MED15: variants seen among roughly 807,000 people sequenced by gnomAD.
The protein encoded by MED15 is mediator of RNA polymerase II transcription subunit 15.
MED15 carries 41 observed loss-of-function variants against 118.7 expected under a neutral mutation model. That is an observed-to-expected ratio of 0.35 (90% CI 0.27 to 0.45). MED15 has a LOEUF of 0.45. Among genes scored for constraint, MED15 ranks in the 20% least tolerant of loss-of-function variants. MED15 has a pLI of 1.00. For missense variants in MED15, 740 were observed against 1,025.5 expected, an observed-to-expected ratio of 0.72 and a Z score of 3.80; for synonymous variants, 436 against 413.9, an observed-to-expected ratio of 1.05 and a Z score of -0.65.
At chr22:20,545,808 T>C (rs1414183514) in intron 2 of MED15, among the ~76,000 whole-genome samples, 1 of 152,130 alleles carries the variant, frequency 6.6e-6, no homozygotes, top group East Asian at 1.9e-4. Flanking sequence ...AACCACTCTT[T>C]CTGGAATTTG....
intron 5 of MED15, among the ~76,000 whole-genome samples, chr22:20,556,169 T>G (rs2055995844): frequency 6.6e-6 from 1 of 152,218 alleles, no homozygotes; most frequent in African/African-American, 2.4e-5. Flanking sequence ...TGGAATAGCA[T>G]AGAGAGTTCC....
At position 20,583,234 on chromosome 22, in the gene MED15, C is replaced by T. The variant is rs374501107; in HGVS notation, c.1659C>T (p.Ile553=). 4.5e-5 allele frequency: 73 copies of T among 1,611,472 alleles called. No individual in the cohort carries two copies. The highest frequency in any genetic ancestry group is 3.8e-4 in the East Asian group (17 of 44,802). The part of the protein sequence containing the change: ...IEPLRRMINK[I]DKNEDRKKDL... ...CCCTGCGCCGCATGATCAACAAGAT[C>T]GACAAGAACGAAGGTAGGCTGCAGC... The change falls in exon 12 of 18, where the codon ATC becomes ATT. Residue 553 remains isoleucine (I), a synonymous_variant. Coordinates refer to ENST00000263205, the MANE Select transcript of MED15 (RefSeq NM_001003891.3).
intron 1 of MED15, among the ~76,000 whole-genome samples, chr22:20,528,588 A>T (rs560950214): frequency 3.0e-4 from 45 of 152,100 alleles, no homozygotes; most frequent in Non-Finnish European, 5.9e-4. Context: ...CAGCCCACAG[A>T]CCTGTACTGG....
rs34408752 is a variant in MED15, at chr22:20,540,892, TCAACAA to T, written c.156+3710_156+3715del. Among the ~76,000 whole-genome samples, 143 of 149,992 alleles carry T rather than the reference TCAACAA, an allele frequency of 9.5e-4. 4 individuals are homozygous for T. Among genetic ancestry groups the T allele is most frequent in the African/African-American group, 2.8e-3 (116 of 40,830 alleles). On this transcript the variant is annotated intron_variant, in intron 2 of 17. Transcript: ENST00000263205. ...AGAATACATAAAGAACTCCTACAAC[TCAACAA>T]CAACAACAACAACAACAACAAAAAG...
chr22:20,571,378 CTGAG>C (rs1279347794), intron 8 of MED15, among the ~76,000 whole-genome samples: 2 of 152,230 alleles, frequency 1.3e-5, no homozygotes, highest in African/African-American at 2.4e-5. Context: ...TGGTTCGTTG[CTGAG>C]TGAGTTTGAT....
chr22:20,586,310 G>A (rs1288841054), intron 17 of MED15, among the ~76,000 whole-genome samples: 1 of 152,190 alleles, frequency 6.6e-6, no homozygotes, highest in African/African-American at 2.4e-5. Flanking sequence ...CTGGCACACA[G>A]CAGAGCTGGC....
chr22:20,521,395 C>A (rs912098567), intron 1 of MED15, among the ~76,000 whole-genome samples: 2 of 150,922 alleles, frequency 1.3e-5, no homozygotes, highest in Non-Finnish European at 2.9e-5. Context: ...CCATGCCCAG[C>A]CTGTGTTTTT....
At chr22:20,551,626 T>C (rs2146517155) in intron 3 of MED15, 139 bp downstream of exon 3, 2 of 802,418 alleles carry the variant, frequency 2.5e-6, no homozygotes, top group South Asian at 2.9e-5. Flanking sequence ...TCTGGGAAGT[T>C]CTTCACTGCC....
chr22:20,574,050 CG>C (rs1382734934), intron 8 of MED15: 1 of 152,218 alleles, frequency 6.6e-6, no homozygotes. Flanking sequence ...TGTGAGGCCA[CG>C]GGTCTCCCTG....
At chr22:20,571,016 TC>T (rs1247978539) in intron 8 of MED15, among the ~76,000 whole-genome samples, 1 of 152,188 alleles carries the variant, frequency 6.6e-6, no homozygotes, top group Non-Finnish European at 1.5e-5. Context: ...TGCCTCAGCC[TC>T]CCTAAGTGTT....
chr22:20,551,102 C>G (rs777063204), intron 2 of MED15: 2 of 539,836 alleles, frequency 3.7e-6, no homozygotes, highest in African/African-American at 3.8e-5. Context: ...CGCCTCATCA[C>G]CCCCAACCTG....
chr22:20,530,965 T>C (rs375423030), intron 1 of MED15, among the ~76,000 whole-genome samples: 82 of 152,306 alleles, frequency 5.4e-4, no homozygotes, highest in African/African-American at 1.9e-3. Context: ...CTTATTTCTT[T>C]AACGCATACC....
At position 20,568,548 on chromosome 22, in the gene MED15, C is replaced by T; in HGVS notation, c.1069C>T (p.Pro357Ser). The T allele has an allele frequency of 6.2e-7, 1 of 1,613,730 alleles. No individual in the cohort carries two copies. Among genetic ancestry groups the T allele is most frequent in the Non-Finnish European group, 8.5e-7 (1 of 1,179,964 alleles). Reference sequence around the variant, plus strand: ...CCGAGCTCCGATGGTGGTGCAGCAGCCCCCAGTGCAGCCCCAGGTGCAGCA... The same window carrying T: ...CCGAGCTCCGATGGTGGTGCAGCAGTCCCCAGTGCAGCCCCAGGTGCAGCA... ...FVRAPMVVQQ[P>S]PVQPQVQQQQ... The change falls in exon 8 of 18, where the codon CCC (proline) becomes TCC (serine). Residue 357 changes from proline to serine, a missense_variant. Pro to Ser is a moderately conservative substitution (Grantham distance 74). This residue lies in a region of MED15 where 384 missense variants were observed against 506.3 expected (regional missense o/e 0.76). Transcript: ENST00000263205.
intron 13 of MED15, 36 bp from the exon 14 acceptor site, chr22:20,584,323 T>A: frequency 6.2e-7 from 1 of 1,607,282 alleles, no homozygotes; most frequent in Non-Finnish European, 8.5e-7. Context: ...CTGCCATGTC[T>A]TCCACTCTTT....
chr22:20,551,190 A>G, intron 2 of MED15: 1 of 655,614 alleles, frequency 1.5e-6, no homozygotes, highest in Non-Finnish European at 2.9e-6. Flanking sequence ...CCATCAGGGG[A>G]GAGGAGTGGC....
intron 1 of MED15, among the ~76,000 whole-genome samples, chr22:20,529,669 G>A (rs985254685): frequency 3.3e-5 from 5 of 152,138 alleles, no homozygotes; most frequent in African/African-American, 9.7e-5. Context: ...GTGGGATCTT[G>A]GCTCATTGCA....
intron 5 of MED15, among the ~76,000 whole-genome samples, chr22:20,560,409 C>T (rs1479140681): frequency 5.3e-5 from 8 of 152,066 alleles, no homozygotes; most frequent in South Asian, 2.1e-4. Context: ...GGACTACAGG[C>T]GCGCGCCACT....
intron 1 of MED15, among the ~76,000 whole-genome samples, chr22:20,517,493 G>C (rs1218587292): frequency 1.3e-5 from 2 of 152,078 alleles, no homozygotes; most frequent in Non-Finnish European, 2.9e-5. Flanking sequence ...AAGGAGACTG[G>C]GCCTTCTGCT....
At chr22:20,565,964 G>A (rs1022171933) in intron 6 of MED15, among the ~76,000 whole-genome samples, 1 of 151,616 alleles carries the variant, frequency 6.6e-6, no homozygotes, top group Non-Finnish European at 1.5e-5. Flanking sequence ...GGGGCCCAGA[G>A]CCTTTCTGTG....
Sources: allele counts gnomAD v4.1 joint callset (sites outside exome capture counted in the v4.1 genomes callset), GRCh38; gene constraint gnomAD v4.1.1; regional missense constraint gnomAD v4.1.1; transcripts MANE v1.5; gene names NCBI Gene and HGNC (gene_info 2026-07-23, HGNC 2026-07-21).